Variants in GAK observed in about 807,000 individuals in gnomAD.
The protein encoded by GAK is cyclin-G-associated kinase.
GAK carries 79 observed loss-of-function variants against 143.9 expected under a neutral mutation model. That is an observed-to-expected ratio of 0.55 (90% confidence interval 0.46 to 0.66). The LOEUF is 0.66. Ranked by LOEUF, GAK falls within the 30% of genes least tolerant of loss-of-function variation. The pLI is 0.00. For synonymous variants in GAK, 881 were observed against 765.5 expected, an observed-to-expected ratio of 1.15 and a Z score of -2.49; for missense variants, 1,693 against 1,779.7, an observed-to-expected ratio of 0.95 and a Z score of 0.88.
intron 2 of GAK, among the ~76,000 whole-genome samples, chr4:913,028 C>T (rs914140395): frequency 2.0e-5 from 3 of 152,230 alleles, no homozygotes; most frequent in African/African-American, 7.2e-5. Context: ...AGGAGCCTTT[C>T]CCCAAATGGG....
intron 1 of GAK, among the ~76,000 whole-genome samples, chr4:919,038 G>A (rs566653575): frequency 3.3e-5 from 4 of 122,030 alleles, no homozygotes; most frequent in African/African-American, 1.2e-4. Flanking sequence ...ACCTTAGAAA[G>A]ACAGAAGGCT....
In GAK at chr4:849,905, A is replaced by G. The variant is rs1175221563; in HGVS notation, c.3821T>C (p.Val1274Ala). The stretch of plus-strand genomic sequence containing the variant: ...AGCTCTGCTCACCTTGTCGGGGTGC[A>G]CAGCCAGCACCGCGCGGCGATAGTG... ...KKHYRRAVLA[V>A]HPDKAAGQPY... The change falls in exon 27 of 28, where the codon GTG becomes GCG. Residue 1274 changes from valine to alanine, a missense_variant. Physicochemically the swap from Val to Ala is moderately conservative, Grantham distance 64. Transcript: ENST00000314167. 1.3e-6 allele frequency: 2 copies of G among 1,568,262 alleles called. No homozygotes were observed. The highest frequency in any genetic ancestry group is 1.4e-5 in the African/African-American group (1 of 69,470).
At chr4:879,927 G>A (rs138486585) in intron 15 of GAK, among the ~76,000 whole-genome samples, 13 of 152,328 alleles carry the variant, frequency 8.5e-5, no homozygotes, top group Admixed American at 3.9e-4. Flanking sequence ...TGTCGAAGGC[G>A]TTCTCATTTC....
At chr4:881,218 G>A (rs1264369361) in intron 15 of GAK, among the ~76,000 whole-genome samples, 1 of 152,194 alleles carries the variant, frequency 6.6e-6, no homozygotes, top group Non-Finnish European at 1.5e-5. Flanking sequence ...GGGCCACGGG[G>A]CCGGCCTTTG....
chr4:864,076 T>C (rs1034802533), intron 23 of GAK, among the ~76,000 whole-genome samples: 2 of 149,422 alleles, frequency 1.3e-5, no homozygotes, highest in African/African-American at 5.0e-5. Context: ...ATATAACTTT[T>C]AGCTGGGTGC....
chr4:883,210 G>A (rs1306036382), intron 13 of GAK, 105 bp downstream of exon 13: 18 of 1,359,636 alleles, frequency 1.3e-5, no homozygotes, highest in African/African-American at 2.9e-5. Context: ...ACCTCCGGCC[G>A]CCCCCATCAC....
Position 863,228 on chromosome 4 carries a change from C to T in GAK, c.3166+1894G>A, listed in dbSNP as rs550522789. Among the ~76,000 whole-genome samples, 7 of 152,294 alleles carry T rather than the reference C, an allele frequency of 4.6e-5. No homozygotes were observed. The East Asian group carries it at 7.7e-4, about 17-fold the overall frequency. ...ATGTGGTGGAAACAGCAAGAGAACT[C>T]GAATTAGAAGTGGAGCCTGCAGATG... is the stretch of plus-strand genomic sequence containing the variant. On this transcript the variant is annotated intron_variant, in intron 23 of 27. Transcript: ENST00000314167.
chr4:895,482 ACTC>A lies in GAK; in HGVS notation c.741+975_741+977del, dbSNP rs1423442426. ...CACACACGTGGCCCCATCCTTCCAC[ACTC>A]CTCAAGGGACACAGGGCCTCAGCCT... On this transcript the variant is annotated intron_variant, in intron 7 of 27. Transcript: ENST00000314167. 4.6e-5 allele frequency among the ~76,000 whole-genome samples: 7 copies of A among 151,738 alleles called. No homozygotes were observed. In the South Asian group the frequency reaches 6.3e-4, roughly 14 times the overall value.
chr4:911,798 C>A lies in GAK; in HGVS notation c.268-11G>T. The A allele has an allele frequency of 6.2e-7, 1 of 1,603,928 alleles. No homozygotes were observed. Among genetic ancestry groups the A allele is most frequent in the South Asian group, 1.1e-5 (1 of 90,864 alleles). ...GCCGGAAAGCTTTTTCTGCAGTTGT[C>A]TTGTTAAAGGAGAACGTACATAACC... is the stretch of plus-strand genomic sequence containing the variant. On this transcript the variant is annotated splice_polypyrimidine_tract_variant and intron_variant, in intron 3 of 27. Coordinates refer to ENST00000314167, the MANE Select transcript of GAK (RefSeq NM_005255.4).
rs2086212 is a variant in GAK at position 883,629 on chromosome 4, C to T, written c.1256-166G>A. 3.3e-3 allele frequency among the ~76,000 whole-genome samples: 497 copies of T among 152,336 alleles called. 2 individuals carry two copies. Among genetic ancestry groups the T allele is most frequent in the African/African-American group, 0.011 (469 of 41,580 alleles). On this transcript the variant is annotated intron_variant, in intron 12 of 27. Coordinates refer to ENST00000314167, the MANE Select transcript of GAK (RefSeq NM_005255.4). The stretch of plus-strand genomic sequence containing the variant: ...CCCTCACCCTCCGTGGACTCCCAGC[C>T]TGGGTGGACCTAGGAGCATGGACCC...
At chr4:860,964 G>A (rs1478219821) in intron 23 of GAK, among the ~76,000 whole-genome samples, 2 of 152,216 alleles carry the variant, frequency 1.3e-5, no homozygotes, top group Non-Finnish European at 2.9e-5. Context: ...GAACTGTAAT[G>A]ATATTTCAAA....
intron 9 of GAK, among the ~76,000 whole-genome samples, chr4:892,083 T>C (rs954066133): frequency 6.6e-6 from 1 of 152,192 alleles, no homozygotes. Context: ...CCCAAGGAAC[T>C]GCAAACCCTC....
intron 4 of GAK, among the ~76,000 whole-genome samples, chr4:908,912 T>C (rs1721547873): frequency 1.3e-5 from 2 of 152,324 alleles, no homozygotes; most frequent in East Asian, 3.9e-4. Context: ...GAGTCTCGGC[T>C]CACTGCAACC....
intron 1 of GAK, among the ~76,000 whole-genome samples, chr4:920,539 A>AATTTTTTTTTTTTTTTTTTTTTT (rs766096942): frequency 7.7e-6 from 1 of 129,600 alleles, no homozygotes; most frequent in South Asian, 2.5e-4. Flanking sequence ...GTTTAGAGCC[A>AATTTTTTTTTTTTTTTTTTTTTT]TTTTTTTTTT....
At chr4:890,644 G>A (rs1252622833) in intron 9 of GAK, 22 bp from the exon 10 acceptor site, 1 of 1,596,148 alleles carries the variant, frequency 6.3e-7, no homozygotes, top group Admixed American at 1.7e-5. Context: ...AAAATGCAGA[G>A]GTCAGTTCTC....
chr4:922,914 G>A (rs912418370), intron 1 of GAK, among the ~76,000 whole-genome samples: 4 of 152,142 alleles, frequency 2.6e-5, no homozygotes, highest in Admixed American at 2.6e-4. Context: ...GTCCTTCCAC[G>A]GGTGGCTGGC....
At chr4:929,742 T>C (rs1725378586) in intron 1 of GAK, among the ~76,000 whole-genome samples, 1 of 151,606 alleles carries the variant, frequency 6.6e-6, no homozygotes, top group African/African-American at 2.4e-5. Flanking sequence ...GAAAGCTATC[T>C]GGTTCCACAG....
chr4:851,417 A>G (rs542505497), intron 25 of GAK: 1 of 493,342 alleles, frequency 2.0e-6, no homozygotes, highest in African/African-American at 1.9e-5. Context: ...CTTTCTGCAG[A>G]GACACACAGG....
At chr4:904,467 C>T (rs1385987388) in intron 5 of GAK, among the ~76,000 whole-genome samples, 170 bp downstream of exon 5, 6 of 150,224 alleles carry the variant, frequency 4.0e-5, no homozygotes, top group Non-Finnish European at 7.4e-5. Context: ...CCTCAGCAGC[C>T]GCTACCTTGA....
Sources: allele counts gnomAD v4.1 joint callset (sites outside exome capture counted in the v4.1 genomes callset), GRCh38; gene constraint gnomAD v4.1.1; transcripts MANE v1.5; gene names NCBI Gene and HGNC (gene_info 2026-07-23, HGNC 2026-07-21).